The following ATM variants were observed in gnomAD, a reference collection of about 807,000 sequenced individuals.
ATM encodes the protein serine-protein kinase ATM.
Under a neutral mutation model 387.0 loss-of-function variants are expected in ATM, and 308 were observed. The observed-to-expected ratio is 0.80, with a 90% CI of 0.73 to 0.87. The LOEUF (loss-of-function observed/expected upper bound fraction) is 0.87, where lower values mean the gene tolerates loss of function less well. Among genes scored for constraint, ATM ranks in the 40% least tolerant of loss-of-function variants. The pLI is 0.00. For synonymous variants in ATM, 1,156 were observed against 1,187.3 expected, an observed-to-expected ratio of 0.97 and a Z score of 0.54; for missense variants, 3,312 against 3,560.9, an observed-to-expected ratio of 0.93 and a Z score of 1.78.
chr11:108,276,307 G>A (rs933748868), intron 22 of ATM, among the ~76,000 whole-genome samples: 3 of 152,110 alleles, frequency 2.0e-5, no homozygotes, highest in African/African-American at 7.2e-5. Flanking sequence ...GTTAGAACAT[G>A]CTCCTTTAGC....
Position 108,227,682 on chromosome 11 carries a change from G to C in ATM, c.58G>C (p.Ala20Pro), listed in dbSNP as rs1555053946. The change falls in exon 2 of 63, where the codon GCT becomes CCT. Residue 20 changes from alanine (A) to proline (P), a missense_variant. By Grantham distance (27) the Ala-to-Pro change is conservative. Coordinates refer to ENST00000675843, the MANE Select transcript of ATM (RefSeq NM_000051.4). ...CTGCCGTCAACTAGAACATGATAGAGCTACAGAACGAAAGGTAGTAAATTA... is the reference window on the plus strand; with the variant it reads ...CTGCCGTCAACTAGAACATGATAGACCTACAGAACGAAAGGTAGTAAATTA... ...ICCRQLEHDRATERKKEVEKF... is the reference protein window; with the variant it reads ...ICCRQLEHDRPTERKKEVEKF... 1 of 1,613,706 alleles carries C rather than the reference G, an allele frequency of 6.2e-7. No homozygotes were observed. The highest frequency in any genetic ancestry group is 8.5e-7 in the Non-Finnish European group (1 of 1,179,826).
intron 26 of ATM, among the ~76,000 whole-genome samples, chr11:108,286,712 G>T (rs2082512932): frequency 6.6e-6 from 1 of 152,156 alleles, no homozygotes; most frequent in Non-Finnish European, 1.5e-5. Flanking sequence ...GTTCTAGGAG[G>T]TCAGCATGGA....
At chr11:108,267,078 G>A (rs2081293982) in intron 16 of ATM, 93 bp from the exon 17 acceptor site, 4 of 1,286,694 alleles carry the variant, frequency 3.1e-6, no homozygotes, top group Admixed American at 1.9e-5. Context: ...TTACAGATGT[G>A]AGCCACTGTG....
At chr11:108,303,074 GT>G in intron 36 of ATM, 45 bp downstream of exon 36, 1 of 1,548,310 alleles carries the variant, frequency 6.5e-7, no homozygotes. Flanking sequence ...TTTATGACCT[GT>G]TTATCTAAAG....
At chr11:108,293,096 A>G (rs2082893673) in intron 30 of ATM, among the ~76,000 whole-genome samples, 1 of 151,690 alleles carries the variant, frequency 6.6e-6, no homozygotes, top group South Asian at 2.1e-4. Context: ...TAATATTGGC[A>G]TTTTTTTTAA....
rs1005503981 is a variant in ATM at position 108,287,528 on chromosome 11, T to C, written c.3994-72T>C. ...GAATACTTTTGGAAATAAGGTAATA[T>C]ATGCCTTTTGAGCTGTCTTGACGTT... is the stretch of plus-strand genomic sequence containing the variant. On this transcript the variant is annotated intron_variant, in intron 26 of 62. Coordinates refer to ENST00000675843, the MANE Select transcript of ATM (RefSeq NM_000051.4). 71 of 929,622 alleles carry C rather than the reference T, an allele frequency of 7.6e-5. No individual in the cohort carries two copies. The Middle Eastern group carries it at 2.9e-3, about 38-fold the overall frequency. 57.6% of individuals were successfully genotyped at this position (929,622 alleles called of 1,614,324 possible).
chr11:108,301,552 T>C (rs2135909299), intron 34 of ATM, 96 bp from the exon 35 acceptor site: 1 of 1,484,820 alleles, frequency 6.7e-7, no homozygotes, highest in Non-Finnish European at 9.3e-7. Flanking sequence ...TAATACAAAT[T>C]TTAAATTTTA....
intron 61 of ATM, among the ~76,000 whole-genome samples, chr11:108,358,392 CT>C (rs1323678863): frequency 6.8e-6 from 1 of 147,270 alleles, no homozygotes; most frequent in Non-Finnish European, 1.5e-5. Context: ...TCCAGGAGAA[CT>C]TCCCCAATCT....
intron 50 of ATM, 43 bp downstream of exon 50, chr11:108,330,464 A>G: frequency 1.9e-6 from 3 of 1,593,498 alleles, no homozygotes; most frequent in Non-Finnish European, 2.6e-6. Flanking sequence ...TGCTTGAAAA[A>G]CTTAGACATA....
chr11:108,257,516 G>GTT lies in ATM; in HGVS notation c.2288_2289dup (p.Lys764LeufsTer14). 6.2e-7 allele frequency: 1 copy of GTT among 1,613,778 alleles called. No homozygotes were observed. The highest frequency in any genetic ancestry group is 8.5e-7 in the Non-Finnish European group (1 of 1,179,870). Reference sequence around the variant, plus strand: ...AATGTGCAGGAGAAAGTATCACTCTGTTTAAAAATAAGACAAATGAGGAAT... The same window carrying GTT: ...AATGTGCAGGAGAAAGTATCACTCTGTTTTTAAAAATAAGACAAATGAGGAAT... On this transcript the variant is annotated frameshift_variant, in exon 15 of 63. Coordinates refer to ENST00000675843, the MANE Select transcript of ATM (RefSeq NM_000051.4). LOFTEE classifies it high-confidence loss of function.
intron 29 of ATM, among the ~76,000 whole-genome samples, chr11:108,291,126 C>T (rs1393657433): frequency 1.3e-5 from 2 of 152,042 alleles, no homozygotes; most frequent in Non-Finnish European, 2.9e-5. Context: ...GTCCCAGCTA[C>T]TCAGGAGGCT....
At chr11:108,358,100 AG>A (rs1201480143) in intron 61 of ATM, among the ~76,000 whole-genome samples, 1 of 151,052 alleles carries the variant, frequency 6.6e-6, no homozygotes, top group Non-Finnish European at 1.5e-5. Context: ...AAGTGCTTAA[AG>A]GAGCTGATGG....
At chr11:108,315,709 A>C in intron 40 of ATM, 114 bp from the exon 41 acceptor site, 1 of 761,352 alleles carries the variant, frequency 1.3e-6, no homozygotes, top group Non-Finnish European at 2.3e-6. Context: ...TATTTCTATA[A>C]CATAACATTT....
chr11:108,366,048 A>C lies in ATM; in HGVS notation c.*540A>C, dbSNP rs868594741. 3.9e-4 allele frequency: 64 copies of C among 164,900 alleles called. No homozygotes were observed. The highest frequency in any genetic ancestry group is 6.7e-4 in the Non-Finnish European group (52 of 77,160). 10.2% of individuals were successfully genotyped at this position (164,900 alleles called of 1,614,324 possible). On this transcript the variant is annotated 3_prime_UTR_variant, in exon 63 of 63. Transcript: ENST00000675843. ...CCATCTCAAAAAAAAAAAAAAAAAA[A>C]CAGAAACGTATTTGGATTTTTCCTA...
intron 58 of ATM, 40 bp downstream of exon 58, chr11:108,345,948 G>T (rs1225647155): frequency 6.2e-7 from 1 of 1,609,190 alleles, no homozygotes; most frequent in Non-Finnish European, 8.5e-7. Context: ...GCACTTTGTT[G>T]TTTGGCAGGT....
chr11:108,356,078 A>C (rs1252274021), intron 61 of ATM: 1 of 152,226 alleles, frequency 6.6e-6, no homozygotes, highest in Admixed American at 6.5e-5. Context: ...CTGTTCATAC[A>C]TGTTGTCATT....
chr11:108,345,957 G>T, intron 58 of ATM, 49 bp downstream of exon 58: 1 of 1,607,380 alleles, frequency 6.2e-7, no homozygotes, highest in South Asian at 1.1e-5. Flanking sequence ...TGTTTGGCAG[G>T]TTTTATTTTT....
At chr11:108,325,249 G>GTTTTT (rs11366542) in intron 45 of ATM, 61 bp from the exon 46 acceptor site, 11 of 566,204 alleles carry the variant, frequency 1.9e-5, no homozygotes, top group African/African-American at 9.6e-5. Context: ...AACTTACATA[G>GTTTTT]TTTTTTTTTT....
intron 59 of ATM, 133 bp downstream of exon 59, chr11:108,347,498 T>C: frequency 1.3e-6 from 1 of 752,046 alleles, no homozygotes; most frequent in Non-Finnish European, 2.2e-6. Context: ...TTTTTTTGTT[T>C]TCAGCATAAA....
Sources: allele counts gnomAD v4.1 joint callset (sites outside exome capture counted in the v4.1 genomes callset), GRCh38; gene constraint gnomAD v4.1.1; transcripts MANE v1.5; gene names NCBI Gene and HGNC (gene_info 2026-07-23, HGNC 2026-07-21).